The following FBN1 variants were observed in gnomAD, a reference collection of about 807,000 sequenced individuals.
The protein encoded by FBN1 is fibrillin 1.
A neutral mutation model predicts 365.1 loss-of-function variants in FBN1; 29 were observed. That is an observed-to-expected ratio of 0.08 (90% CI 0.06 to 0.11). FBN1 has a LOEUF of 0.11. Ranked by LOEUF, FBN1 falls within the 10% of genes least tolerant of loss-of-function variation. The pLI is 1.00. For missense variants in FBN1, 2,476 were observed against 3,703.2 expected, an observed-to-expected ratio of 0.67 and a Z score of 8.60; for synonymous variants, 1,210 against 1,270.5, an observed-to-expected ratio of 0.95 and a Z score of 1.01.
chr15:48,609,268 G>A (rs750659034), intron 4 of FBN1, among the ~76,000 whole-genome samples: 1 of 152,208 alleles, frequency 6.6e-6, no homozygotes, highest in Non-Finnish European at 1.5e-5. Context: ...GGAAAACTAT[G>A]CTACACATTC....
chr15:48,614,989 T>C (rs939646457), intron 2 of FBN1, among the ~76,000 whole-genome samples: 4 of 152,020 alleles, frequency 2.6e-5, no homozygotes, highest in Non-Finnish European at 4.4e-5. Context: ...AACTTCAGAG[T>C]GTCCAGAAGT....
At chr15:48,521,593 T>G (rs2043855747) in intron 9 of FBN1, among the ~76,000 whole-genome samples, 1 of 152,232 alleles carries the variant, frequency 6.6e-6, no homozygotes, top group African/African-American at 2.4e-5. Flanking sequence ...ACATCATGTC[T>G]AATTGTCATG....
In FBN1 at chr15:48,569,039, G is replaced by A. The variant is rs370138268; in HGVS notation, c.538+27244C>T. ...TTTATACTTCAAAAGGCGCCATTAC[G>A]AAAATTAAAAAGACAAGTCACAGGC... On this transcript the variant is annotated intron_variant, in intron 6 of 65. Coordinates refer to ENST00000316623, the MANE Select transcript of FBN1 (RefSeq NM_000138.5). Among the ~76,000 whole-genome samples the A allele has an allele frequency of 4.8e-4, 73 of 152,024 alleles. 1 individual carries two copies. The South Asian group carries it at 0.01, about 22-fold the overall frequency.
chr15:48,544,113 A>ATAATAAAAT (rs2044078409), intron 6 of FBN1, among the ~76,000 whole-genome samples: 1 of 152,114 alleles, frequency 6.6e-6, no homozygotes, highest in Non-Finnish European at 1.5e-5. Context: ...GAAATTTTTT[A>ATAATAAAAT]TAATAAAATT....
In FBN1 at chr15:48,534,146, C is replaced by T. The variant is rs201669595; in HGVS notation, c.796G>A (p.Val266Ile). The T allele has an allele frequency of 6.8e-6, 11 of 1,613,386 alleles. No homozygotes were observed. The East Asian group carries it at 2.2e-4, about 33-fold the overall frequency. ...GGGCATTTGCACTCAAAAGACCCAA[C>T]AGTATTAATGCAATTTCCTCCCTGA... is the stretch of plus-strand genomic sequence containing the variant. The part of the protein sequence containing the change: ...LCQGGNCINT[V>I]GSFECKCPAG... The change falls in exon 8 of 66, where the codon GTT (valine) becomes ATT (isoleucine). Residue 266 changes from valine to isoleucine, a missense_variant. Coordinates refer to ENST00000316623, the MANE Select transcript of FBN1 (RefSeq NM_000138.5).
rs374403083 is a variant in FBN1, at chr15:48,549,912, A to G, written c.539-12104T>C. Reference sequence around the variant, plus strand: ...GAGCCACATAGAAACATAAACCTGCATGAAAGTCATCACTGCCCTCTATAA... The same window carrying G: ...GAGCCACATAGAAACATAAACCTGCGTGAAAGTCATCACTGCCCTCTATAA... On this transcript the variant is annotated intron_variant, in intron 6 of 65. Coordinates refer to ENST00000316623, the MANE Select transcript of FBN1 (RefSeq NM_000138.5). Among the ~76,000 whole-genome samples, 9 of 152,362 alleles carry G rather than the reference A, an allele frequency of 5.9e-5. 1 individual carries two copies. The highest frequency in any genetic ancestry group is 2.2e-4 in the African/African-American group (9 of 41,588).
At chr15:48,411,903 T>G (rs935580998) in intron 65 of FBN1, among the ~76,000 whole-genome samples, 5 of 152,242 alleles carry the variant, frequency 3.3e-5, no homozygotes, top group Admixed American at 2.0e-4. Flanking sequence ...TTTGATTCAT[T>G]GACGTAAAAC....
intron 6 of FBN1, among the ~76,000 whole-genome samples, chr15:48,552,551 C>T (rs894521240): frequency 2.0e-5 from 3 of 152,092 alleles, no homozygotes; most frequent in East Asian, 3.9e-4. Context: ...GGATTACAGG[C>T]GTGAGCCACT....
chr15:48,563,768 A>G (rs1304447215), intron 6 of FBN1, among the ~76,000 whole-genome samples: 1 of 152,182 alleles, frequency 6.6e-6, no homozygotes, highest in Non-Finnish European at 1.5e-5. Flanking sequence ...TGCACATCCT[A>G]CAACGATTTG....
At chr15:48,556,971 C>T (rs1281887050) in intron 6 of FBN1, among the ~76,000 whole-genome samples, 5 of 152,090 alleles carry the variant, frequency 3.3e-5, no homozygotes, top group African/African-American at 1.2e-4. Context: ...ATCACCTGGC[C>T]CACTTACAGA....
chr15:48,411,830 T>G (rs963736885), intron 65 of FBN1, among the ~76,000 whole-genome samples: 1 of 152,260 alleles, frequency 6.6e-6, no homozygotes, highest in Non-Finnish European at 1.5e-5. Context: ...CAAAGACTTA[T>G]CTCATTTCTT....
intron 35 of FBN1, 71 bp from the exon 36 acceptor site, chr15:48,470,827 T>C: frequency 6.6e-7 from 1 of 1,519,946 alleles, no homozygotes; most frequent in African/African-American, 1.4e-5. Context: ...CAAATATAAT[T>C]AGGCAACTAA....
intron 6 of FBN1, among the ~76,000 whole-genome samples, chr15:48,540,407 C>G (rs1174308567): frequency 6.6e-6 from 1 of 151,958 alleles, no homozygotes; most frequent in Non-Finnish European, 1.5e-5. Flanking sequence ...CTTTTGAATC[C>G]TGCTGGATTT....
intron 53 of FBN1, among the ~76,000 whole-genome samples, chr15:48,435,772 A>ATATATGTATATATGTGTG (rs1555395092): frequency 1.9e-5 from 2 of 106,346 alleles, no homozygotes; most frequent in African/African-American, 8.7e-5. Context: ...ATATGTGTAT[A>ATATATGTATATATGTGTG]TGTGTGTGTG....
chr15:48,608,863 G>A (rs561442982), intron 4 of FBN1, among the ~76,000 whole-genome samples: 1 of 152,262 alleles, frequency 6.6e-6, no homozygotes, highest in African/African-American at 2.4e-5. Context: ...TTAACATCCT[G>A]TCTCCACATC....
intron 6 of FBN1, among the ~76,000 whole-genome samples, chr15:48,589,572 G>A (rs1230613838): frequency 6.6e-6 from 1 of 151,654 alleles, no homozygotes; most frequent in Admixed American, 6.6e-5. Context: ...GTAACATTTA[G>A]GGCATTGTGC....
intron 2 of FBN1, among the ~76,000 whole-genome samples, chr15:48,634,857 CCACACACACACACACACACACA>C (rs57811526): frequency 1.3e-3 from 87 of 69,174 alleles, no homozygotes; most frequent in Non-Finnish European, 1.7e-3. Context: ...AAAAAAAAAA[CCACACACACACACACACACACA>C]CACACACACA....
At chr15:48,490,593 T>C (rs186430097) in intron 24 of FBN1, among the ~76,000 whole-genome samples, 54 of 152,294 alleles carry the variant, frequency 3.5e-4, no homozygotes, top group African/African-American at 1.3e-3. Context: ...AAGAGAAAAA[T>C]GCAAAGAAAA....
chr15:48,602,858 T>C (rs1284902652), intron 4 of FBN1, among the ~76,000 whole-genome samples: 1 of 152,238 alleles, frequency 6.6e-6, no homozygotes, highest in Non-Finnish European at 1.5e-5. Context: ...AAGTTAAACT[T>C]AGCTTCATCC....
Sources: gnomAD v4.1 joint callset for allele counts (sites outside exome capture counted in the v4.1 genomes callset) on GRCh38, gnomAD v4.1.1 for gene constraint, MANE v1.5 for transcripts, NCBI Gene and HGNC (gene_info 2026-07-23, HGNC 2026-07-21) for gene names.